The following NUP155 variants were observed in gnomAD, a reference collection of about 807,000 sequenced individuals.
NUP155 encodes the protein nucleoporin 155, also known as nuclear pore complex protein Nup155.
A neutral mutation model predicts 180.4 loss-of-function variants in NUP155; 71 were observed. That is an observed-to-expected ratio of 0.39 (90% confidence interval 0.33 to 0.48). NUP155 has a LOEUF of 0.48. Ranked by LOEUF, NUP155 falls within the 20% of genes least tolerant of loss-of-function variation. The pLI, the probability that NUP155 is intolerant of heterozygous loss-of-function variation, is 0.91. For missense variants in NUP155, 1,553 were observed against 1,648.9 expected (o/e 0.94, Z 1.01); for synonymous variants, 582 against 559.5 (o/e 1.04, Z -0.57).
At chr5:37,302,056 G>C (rs1742891884) in intron 29 of NUP155, among the ~76,000 whole-genome samples, 1 of 151,748 alleles carries the variant, frequency 6.6e-6, no homozygotes, top group South Asian at 2.1e-4. Flanking sequence ...ACTCACCTTG[G>C]ATTTTTGTGA....
intron 27 of NUP155, among the ~76,000 whole-genome samples, 175 bp downstream of exon 27, chr5:37,304,564 A>T (rs1434168362): frequency 6.6e-6 from 1 of 152,168 alleles, no homozygotes; most frequent in African/African-American, 2.4e-5. Context: ...AGAAAATTGG[A>T]GCAGTAGCCT....
chr5:37,348,484 T>TAA (rs1746247107), intron 9 of NUP155, 21 bp downstream of exon 9: 1 of 1,446,932 alleles, frequency 6.9e-7, no homozygotes, highest in Non-Finnish European at 9.7e-7. Context: ...ATGAAATGCT[T>TAA]AATAATAAAT....
At position 37,370,894 on chromosome 5, in the gene NUP155, C is replaced by A; in HGVS notation, c.84G>T (p.Arg28=). 1 of 1,614,140 alleles carries A rather than the reference C, an allele frequency of 6.2e-7. No homozygotes were observed. The highest frequency in any genetic ancestry group is 8.5e-7 in the Non-Finnish European group (1 of 1,180,028). The part of the protein sequence containing the change: ...ALQEALENAG[R]LIDRQLQEDR... Reference sequence around the variant, plus strand: ...CCTCTTGCAACTGACGGTCGATGAGCCGTCCAGCATTTTCCAGAGCTTCCT... The same window carrying A: ...CCTCTTGCAACTGACGGTCGATGAGACGTCCAGCATTTTCCAGAGCTTCCT... Residue 28 remains arginine (R), a synonymous_variant, in exon 1 of 35, where the codon CGG becomes CGT. Transcript: ENST00000231498.
intron 11 of NUP155, among the ~76,000 whole-genome samples, chr5:37,340,032 TAC>T (rs1370975789): frequency 6.6e-6 from 1 of 152,214 alleles, no homozygotes; most frequent in African/African-American, 2.4e-5. Flanking sequence ...GTGTTGGGCT[TAC>T]AGGCGTGAGC....
intron 14 of NUP155, 71 bp from the exon 15 acceptor site, chr5:37,330,203 C>A (rs1165306591): frequency 1.9e-6 from 2 of 1,058,414 alleles, no homozygotes; most frequent in South Asian, 2.7e-5. Context: ...CTGCTAGATG[C>A]AGTATTAAAG....
Position 37,310,621 on chromosome 5 carries a change from A to G in NUP155, c.2559T>C (p.Asp853=). Residue 853 remains aspartate, a synonymous_variant, in exon 23 of 35, where the codon GAT becomes GAC. Coordinates refer to ENST00000231498, the MANE Select transcript of NUP155 (RefSeq NM_153485.3). ...NCYIRDNAAV[D]GISLHLQDIC... ...TATCCTGTAAATGTAAACTAATGCC[A>G]TCAACAGCGGCATTATCTCTGATGT... is the stretch of plus-strand genomic sequence containing the variant. 1.2e-6 allele frequency: 2 copies of G among 1,613,452 alleles called. No individual in the cohort carries two copies. Among genetic ancestry groups the G allele is most frequent in the Non-Finnish European group, 1.7e-6 (2 of 1,179,508 alleles).
intron 21 of NUP155, among the ~76,000 whole-genome samples, chr5:37,317,505 A>G (rs1743968969): frequency 6.6e-6 from 1 of 152,088 alleles, no homozygotes; most frequent in African/African-American, 2.4e-5. Context: ...ATAAACAAAT[A>G]AAAAGTAAAA....
intron 4 of NUP155, among the ~76,000 whole-genome samples, chr5:37,354,549 C>T (rs561446644): frequency 6.6e-6 from 1 of 151,082 alleles, no homozygotes; most frequent in South Asian, 2.1e-4. Flanking sequence ...GCCTTGTCCT[C>T]CTATGCTCAA....
chr5:37,351,375 A>G lies in NUP155; in HGVS notation c.557-19T>C. The G allele has an allele frequency of 6.3e-7, 1 of 1,578,904 alleles. No individual in the cohort carries two copies. The highest frequency in any genetic ancestry group is 8.7e-7 in the Non-Finnish European group (1 of 1,149,088). On this transcript the variant is annotated intron_variant, in intron 5 of 34. Transcript: ENST00000231498. Reference sequence around the variant, plus strand: ...CCAGAACCTATTTAAGAAAGAATACATAAATCAGTTTATTAGCTACTCCAC... The same window carrying G: ...CCAGAACCTATTTAAGAAAGAATACGTAAATCAGTTTATTAGCTACTCCAC...
chr5:37,295,346 G>C (rs1742478870), intron 32 of NUP155, among the ~76,000 whole-genome samples: 1 of 152,206 alleles, frequency 6.6e-6, no homozygotes, highest in African/African-American at 2.4e-5. Context: ...CCTTCACTCA[G>C]TGCTCAATGG....
At position 37,352,787 on chromosome 5, in the gene NUP155, G is replaced by T. The variant is rs1207680424; in HGVS notation, c.506C>A (p.Thr169Asn). 1.9e-6 allele frequency: 3 copies of T among 1,613,524 alleles called. No individual in the cohort carries two copies. Among genetic ancestry groups the T allele is most frequent in the Admixed American group, 1.7e-5 (1 of 59,946 alleles). Residue 169 changes from threonine to asparagine, a missense_variant, in exon 5 of 35, where the codon ACC becomes AAC. Transcript: ENST00000231498. ...TCCAAGAATTACTATGTCTACAGGG[G>T]TCGCCAAAACCAGGAGGTGTCGCAC... is the stretch of plus-strand genomic sequence containing the variant. Reference protein sequence around the residue: ...PHVRHLLVLATPVDIVILGLS... With the variant: ...PHVRHLLVLANPVDIVILGLS...
At chr5:37,311,341 A>C (rs1743510009) in intron 22 of NUP155, among the ~76,000 whole-genome samples, 1 of 152,178 alleles carries the variant, frequency 6.6e-6, no homozygotes, top group African/African-American at 2.4e-5. Context: ...TAAGGAAGAG[A>C]GCTTTGAAGA....
intron 31 of NUP155, 119 bp from the exon 32 acceptor site, chr5:37,299,097 A>C: frequency 1.4e-6 from 1 of 721,658 alleles, no homozygotes; most frequent in South Asian, 1.5e-5. Flanking sequence ...TCACATTAAT[A>C]TGATTAACAG....
intron 1 of NUP155, 162 bp downstream of exon 1, chr5:37,370,658 GA>G: frequency 6.3e-7 from 1 of 1,587,184 alleles, no homozygotes. Flanking sequence ...GTGAGGAAAG[GA>G]AAAAACCTGA....
chr5:37,314,252 T>C lies in NUP155; in HGVS notation c.2382A>G (p.Leu794=). 2 of 1,610,910 alleles carry C rather than the reference T, an allele frequency of 1.2e-6. No homozygotes were observed. The highest frequency in any genetic ancestry group is 1.7e-6 in the Non-Finnish European group (2 of 1,177,472). ...ATTGATGTTCACAAAGAAGTTTCCA[T>C]AAAGCCAGAGCCTGATATGATTTTC... ...LVRKSYQALA[L]WKLLCEHQFT... The change falls in exon 22 of 35, where the codon TTA becomes TTG. Residue 794 remains leucine (L), a synonymous_variant. Coordinates refer to ENST00000231498, the MANE Select transcript of NUP155 (RefSeq NM_153485.3).
At chr5:37,321,439 C>T (rs1744236309) in intron 20 of NUP155, among the ~76,000 whole-genome samples, 1 of 152,148 alleles carries the variant, frequency 6.6e-6, no homozygotes. Flanking sequence ...TAAAGACAGG[C>T]CAGGCGCGGT....
At chr5:37,331,883 GAAAC>G in intron 13 of NUP155, 88 bp from the exon 14 acceptor site, 2 of 836,346 alleles carry the variant, frequency 2.4e-6, no homozygotes, top group Non-Finnish European at 4.0e-6. Context: ...TAAAATAAAT[GAAAC>G]AAACAAAAAA....
intron 25 of NUP155, among the ~76,000 whole-genome samples, chr5:37,305,595 T>C (rs1743110155): frequency 6.6e-6 from 1 of 152,078 alleles, no homozygotes; most frequent in African/African-American, 2.4e-5. Flanking sequence ...GGCACAAGAA[T>C]TGCTTGAACC....
At chr5:37,341,694 C>G (rs1375326527) in intron 10 of NUP155, among the ~76,000 whole-genome samples, 1 of 152,040 alleles carries the variant, frequency 6.6e-6, no homozygotes, top group Non-Finnish European at 1.5e-5. Flanking sequence ...GTGCCTGCCA[C>G]CATGTCTGGC....
Sources: allele counts gnomAD v4.1 joint callset (sites outside exome capture counted in the v4.1 genomes callset), GRCh38; gene constraint gnomAD v4.1.1; transcripts MANE v1.5; gene names NCBI Gene and HGNC (gene_info 2026-07-23, HGNC 2026-07-21).